RPTOR: variants seen among roughly 807,000 people sequenced by gnomAD.
RPTOR encodes regulatory-associated protein of mTOR.
A neutral mutation model predicts 169.9 loss-of-function variants in RPTOR; 21 were observed. That is an observed-to-expected ratio of 0.12 (90% CI 0.09 to 0.18). The LOEUF is 0.18. Ranked by LOEUF, RPTOR falls within the 10% of genes least tolerant of loss-of-function variation. The pLI is 1.00. For missense variants in RPTOR, 1,133 were observed against 1,855.9 expected (o/e 0.61, Z 7.16); for synonymous variants, 732 against 753.2 (o/e 0.97, Z 0.46).
At chr17:80,602,502 T>TGGG in intron 1 of RPTOR, 1 of 378,764 alleles carries the variant, frequency 2.6e-6, no homozygotes, top group South Asian at 2.1e-5. Context: ...TTTTTTTTGG[T>TGGG]GGGGGGGAGT....
intron 1 of RPTOR, among the ~76,000 whole-genome samples, chr17:80,598,881 T>C (rs1303058994): frequency 6.9e-6 from 1 of 144,610 alleles, no homozygotes; most frequent in Non-Finnish European, 1.5e-5. Flanking sequence ...TTCTTGATTC[T>C]TTCTATCTAT....
At chr17:80,591,606 T>C (rs2065108530) in intron 1 of RPTOR, among the ~76,000 whole-genome samples, 1 of 152,032 alleles carries the variant, frequency 6.6e-6, no homozygotes, top group Non-Finnish European at 1.5e-5. Context: ...CTCGAACTCC[T>C]GAGCTCAGGC....
chr17:80,728,561 GC>G (rs748213994), intron 4 of RPTOR, among the ~76,000 whole-genome samples: 5 of 151,684 alleles, frequency 3.3e-5, no homozygotes, highest in African/African-American at 4.8e-5. Context: ...GATTTAAAAT[GC>G]TGTCCTCATT....
At position 80,730,782 on chromosome 17, in the gene RPTOR, G is replaced by T; in HGVS notation, c.654+76G>T. 8.2e-7 allele frequency: 1 copy of T among 1,223,822 alleles called. No homozygotes were observed. The highest frequency in any genetic ancestry group is 1.8e-5 in the Admixed American group (1 of 55,592). 75.8% of individuals were successfully genotyped at this position (1,223,822 alleles called of 1,614,324 possible). A position where few individuals can be genotyped will look rare whatever the true frequency, so the allele number is the denominator to read the frequency against. Reference sequence around the variant, plus strand: ...CTGGGGGTGGGGTTTGGGTGGGGAGGTTGGGAGGTGTTGGACATCCTCTGA... The same window carrying T: ...CTGGGGGTGGGGTTTGGGTGGGGAGTTTGGGAGGTGTTGGACATCCTCTGA... On this transcript the variant is annotated intron_variant, in intron 5 of 33. Coordinates refer to ENST00000306801, the MANE Select transcript of RPTOR (RefSeq NM_020761.3). The surrounding 1 kb of genome is among the most constrained non-coding windows in gnomAD (Gnocchi z 4.2).
At chr17:80,841,131 C>T (rs1158117223) in intron 10 of RPTOR, among the ~76,000 whole-genome samples, 2 of 103,548 alleles carry the variant, frequency 1.9e-5, no homozygotes, top group Admixed American at 9.0e-5. Flanking sequence ...TCACACTCAC[C>T]GCACGGCAGC....
chr17:80,550,975 C>T (rs1568298856), intron 1 of RPTOR, among the ~76,000 whole-genome samples: 1 of 152,168 alleles, frequency 6.6e-6, no homozygotes, highest in Admixed American at 6.5e-5. Context: ...GCAACCTCCA[C>T]CTCCCGAGTT....
intron 6 of RPTOR, 30 bp from the exon 7 acceptor site, chr17:80,791,420 T>G (rs1031562209): frequency 6.2e-7 from 1 of 1,609,212 alleles, no homozygotes. Flanking sequence ...GTTCCATTCA[T>G]GCCGTTCACA....
At chr17:80,710,407 G>T (rs1429990535) in intron 4 of RPTOR, among the ~76,000 whole-genome samples, 1 of 152,094 alleles carries the variant, frequency 6.6e-6, no homozygotes, top group South Asian at 2.1e-4. Context: ...TGTTTCTCTT[G>T]TCCTCGCAGA....
At chr17:80,722,030 C>T (rs904229839) in intron 4 of RPTOR, among the ~76,000 whole-genome samples, 6 of 150,828 alleles carry the variant, frequency 4.0e-5, no homozygotes, top group African/African-American at 7.4e-5. Flanking sequence ...GCTTTTAACA[C>T]GATTTTCTTT....
intron 6 of RPTOR, among the ~76,000 whole-genome samples, chr17:80,776,918 AC>A (rs2066897068): frequency 6.6e-6 from 1 of 152,148 alleles, no homozygotes; most frequent in African/African-American, 2.4e-5. Context: ...TTTTTGGTGA[AC>A]CCAAGTGCTG....
In RPTOR at chr17:80,574,719, G is replaced by A. The variant is rs559359018; in HGVS notation, c.162+28928G>A. Among the ~76,000 whole-genome samples the A allele has an allele frequency of 8.6e-5, 13 of 151,758 alleles. No individual in the cohort carries two copies. The East Asian group carries it at 9.7e-4, about 11-fold the overall frequency. On this transcript the variant is annotated intron_variant, in intron 1 of 33. Coordinates refer to ENST00000306801, the MANE Select transcript of RPTOR (RefSeq NM_020761.3). ...CACCCAGGCTGGAGTGCAGTGGTGC[G>A]ATCATGGCTCACTGCAGCTTTGAAC...
At chr17:80,786,017 G>T (rs1470191781) in intron 6 of RPTOR, among the ~76,000 whole-genome samples, 1 of 152,142 alleles carries the variant, frequency 6.6e-6, no homozygotes, top group African/African-American at 2.4e-5. Context: ...GGCTAGGTGG[G>T]GTGGGTGGTG....
chr17:80,664,758 T>C (rs2065751149), intron 3 of RPTOR, among the ~76,000 whole-genome samples: 1 of 152,206 alleles, frequency 6.6e-6, no homozygotes, highest in African/African-American at 2.4e-5. Context: ...ATGGGCCGTT[T>C]ATTACAATGT....
At position 80,928,685 on chromosome 17, in the gene RPTOR, C is replaced by A. The variant is rs150449340; in HGVS notation, c.2919+3205C>A. Among the ~76,000 whole-genome samples the A allele has an allele frequency of 7.0e-3, 1,065 of 152,308 alleles. 16 individuals are homozygous for A. The highest frequency in any genetic ancestry group is 0.024 in the African/African-American group (1,018 of 41,570). ...ATTGGTGAAGCAACCTCCTTTCTTC[C>A]CATGTTGGTTTACGGAGCTCGTGTC... On this transcript the variant is annotated intron_variant, in intron 24 of 33. Transcript: ENST00000306801.
chr17:80,581,495 A>G (rs1487258091), intron 1 of RPTOR, among the ~76,000 whole-genome samples: 2 of 147,886 alleles, frequency 1.4e-5, no homozygotes, highest in Admixed American at 6.7e-5. Context: ...GAGACCGCAC[A>G]TCAGGCCAGT....
intron 5 of RPTOR, among the ~76,000 whole-genome samples, chr17:80,740,759 A>G (rs933691833): frequency 6.6e-6 from 1 of 152,232 alleles, no homozygotes. Flanking sequence ...AATAGAGAAG[A>G]ACTTCAATTT....
At chr17:80,667,084 G>A (rs766859588) in intron 3 of RPTOR, among the ~76,000 whole-genome samples, 2 of 152,162 alleles carry the variant, frequency 1.3e-5, no homozygotes, top group African/African-American at 2.4e-5. Flanking sequence ...AGGCGTTCCC[G>A]TCTCCACGTC....
chr17:80,791,696 T>A (rs554881799), intron 7 of RPTOR, among the ~76,000 whole-genome samples, 187 bp downstream of exon 7: 2 of 152,170 alleles, frequency 1.3e-5, no homozygotes, highest in African/African-American at 4.8e-5. Flanking sequence ...GTGCAGGAGA[T>A]AACCAAACAT....
intron 1 of RPTOR, among the ~76,000 whole-genome samples, chr17:80,571,391 G>A (rs1275657905): frequency 6.6e-6 from 1 of 152,098 alleles, no homozygotes; most frequent in Non-Finnish European, 1.5e-5. Flanking sequence ...AAACATCTGT[G>A]TGCCCCCAGC....
Sources: allele counts gnomAD v4.1 joint callset (sites outside exome capture counted in the v4.1 genomes callset), GRCh38; gene constraint gnomAD v4.1.1; non-coding constraint Gnocchi (gnomAD v3.1); transcripts MANE v1.5; gene names NCBI Gene and HGNC (gene_info 2026-07-23, HGNC 2026-07-21).